The following ACACA variants were observed in gnomAD, a reference collection of about 807,000 sequenced individuals.
The protein encoded by ACACA is acetyl-CoA carboxylase 1.
ACACA carries 103 observed loss-of-function variants against 296.1 expected under a neutral mutation model. The observed-to-expected ratio is 0.35, with a 90% CI of 0.30 to 0.41. The LOEUF is 0.41. ACACA is among the 10% of genes least tolerant of loss of function. The probability of loss-of-function intolerance (pLI) is 1.00; values close to 1 mark genes in which losing one functional copy is unlikely to be tolerated. For missense variants in ACACA, 1,554 were observed against 2,989.7 expected (o/e 0.52, Z 11.20); for synonymous variants, 953 against 1,038.6 (o/e 0.92, Z 1.58).
chr17:37,406,808 G>C lies in ACACA; in HGVS notation c.-509C>G, dbSNP rs868208229. On this transcript the variant is annotated 5_prime_UTR_variant, in exon 1 of 56. Coordinates refer to ENST00000616317, the MANE Select transcript of ACACA (RefSeq NM_198834.3). Reference sequence around the variant, plus strand: ...TGGCGGGCGCTCAGCACCCGGCGGGGGCCTCCACGGCCGAGGGGCGGAGGC... The same window carrying C: ...TGGCGGGCGCTCAGCACCCGGCGGGCGCCTCCACGGCCGAGGGGCGGAGGC... 1 of 149,484 alleles carries C rather than the reference G, an allele frequency of 6.7e-6. No homozygotes were observed. The highest frequency in any genetic ancestry group is 6.7e-5 in the Admixed American group (1 of 15,000). 9.3% of individuals were successfully genotyped at this position (149,484 alleles called of 1,614,324 possible).
At chr17:37,359,151 G>GCCTGACCCGCCC in intron 1 of ACACA, 1 of 984,984 alleles carries the variant, frequency 1.0e-6, no homozygotes, top group Non-Finnish European at 1.2e-6. Flanking sequence ...GGCTTCAGGG[G>GCCTGACCCGCCC]CCTGACCCGC....
chr17:37,204,042 T>C (rs187227089), intron 33 of ACACA, among the ~76,000 whole-genome samples: 1 of 152,304 alleles, frequency 6.6e-6, no homozygotes, highest in African/African-American at 2.4e-5. Context: ...ATATCTACCA[T>C]TGGCATTACA....
rs995616215 is a variant in ACACA at position 37,094,577 on chromosome 17, C to A, written c.6891+2419G>T. 4.1e-5 allele frequency among the ~76,000 whole-genome samples: 6 copies of A among 146,592 alleles called. 1 individual carries two copies. Among genetic ancestry groups the A allele is most frequent in the Admixed American group, 6.8e-5 (1 of 14,762 alleles). On this transcript the variant is annotated intron_variant, in intron 54 of 55. Transcript: ENST00000616317. The stretch of plus-strand genomic sequence containing the variant: ...CTATCATTCTTTGAAGAACCACCCC[C>A]CCCCCCCCACACCAAACAGCAAGCA...
chr17:37,160,565 C>G (rs1456181240), intron 42 of ACACA, among the ~76,000 whole-genome samples: 1 of 152,162 alleles, frequency 6.6e-6, no homozygotes, highest in African/African-American at 2.4e-5. Flanking sequence ...AAAGTAAGAT[C>G]AGTCAACAGA....
intron 1 of ACACA, among the ~76,000 whole-genome samples, chr17:37,371,000 A>G (rs1185482219): frequency 6.6e-6 from 1 of 151,888 alleles, no homozygotes; most frequent in African/African-American, 2.4e-5. Flanking sequence ...AAAAAAATAC[A>G]TAGAGTTTGA....
intron 38 of ACACA, among the ~76,000 whole-genome samples, chr17:37,188,765 T>C (rs550843844): frequency 1.3e-5 from 2 of 152,300 alleles, no homozygotes; most frequent in South Asian, 4.1e-4. Context: ...TCATATTCTA[T>C]ATCAAAGATC....
intron 44 of ACACA, among the ~76,000 whole-genome samples, chr17:37,151,050 CAA>C (rs372728782): frequency 7.9e-6 from 1 of 125,850 alleles, no homozygotes. Context: ...GACTCCATCT[CAA>C]AAAAAAAAAA....
chr17:37,183,655 C>T (rs1384685211), intron 39 of ACACA, among the ~76,000 whole-genome samples: 2 of 151,630 alleles, frequency 1.3e-5, no homozygotes, highest in Non-Finnish European at 2.9e-5. Context: ...GGTGAAACCC[C>T]GTCTCTACTA....
At chr17:37,267,543 C>T (rs1017006116) in intron 10 of ACACA, among the ~76,000 whole-genome samples, 14 of 152,118 alleles carry the variant, frequency 9.2e-5, no homozygotes, top group Admixed American at 9.2e-4. Flanking sequence ...GAATTTCCTT[C>T]TGATCTACTC....
Position 37,284,990 on chromosome 17 carries a change from A to G in ACACA, c.339-20T>C, listed in dbSNP as rs1428349676. The G allele has an allele frequency of 6.2e-7, 1 of 1,614,134 alleles. No homozygotes were observed. Among genetic ancestry groups the G allele is most frequent in the East Asian group, 2.2e-5 (1 of 44,886 alleles). ...CTGGACCTATAAAAATACAGAAGCC[A>G]TAAAAACACCACCTATATTTTCTGG... On this transcript the variant is annotated intron_variant, in intron 3 of 55. Coordinates refer to ENST00000616317, the MANE Select transcript of ACACA (RefSeq NM_198834.3).
At chr17:37,226,170 T>C (rs994339765) in intron 26 of ACACA, among the ~76,000 whole-genome samples, 169 bp downstream of exon 26, 2 of 152,144 alleles carry the variant, frequency 1.3e-5, no homozygotes, top group African/African-American at 4.8e-5. Context: ...TTTTCCTTTC[T>C]CTTTAAAAAA....
intron 52 of ACACA, among the ~76,000 whole-genome samples, chr17:37,111,306 A>G (rs1298304338): frequency 1.3e-5 from 2 of 152,106 alleles, no homozygotes; most frequent in Non-Finnish European, 2.9e-5. Flanking sequence ...CTCTAAGGAA[A>G]TATCAGGAAA....
chr17:37,214,545 T>A (rs933613970), intron 29 of ACACA, among the ~76,000 whole-genome samples: 1 of 152,054 alleles, frequency 6.6e-6, no homozygotes, highest in Non-Finnish European at 1.5e-5. Context: ...TGCTTTTCCT[T>A]CCCCCAGGAC....
chr17:37,401,982 T>C (rs1405031677), intron 1 of ACACA, among the ~76,000 whole-genome samples: 6 of 152,166 alleles, frequency 3.9e-5, no homozygotes, highest in Admixed American at 2.0e-4. Flanking sequence ...GTTTTCTTCG[T>C]TGGGTTCCTG....
chr17:37,271,058 T>A (rs1366357653), intron 9 of ACACA, among the ~76,000 whole-genome samples, 197 bp from the exon 10 acceptor site: 1 of 152,188 alleles, frequency 6.6e-6, no homozygotes, highest in East Asian at 1.9e-4. Flanking sequence ...CAAAAGAAAT[T>A]GCCTTTTTCA....
chr17:37,394,321 G>A (rs964268410), intron 1 of ACACA, among the ~76,000 whole-genome samples: 7 of 150,534 alleles, frequency 4.7e-5, no homozygotes, highest in South Asian at 2.1e-4. Context: ...AACTATTCTC[G>A]TGCCTCAGCC....
intron 54 of ACACA, among the ~76,000 whole-genome samples, chr17:37,090,672 G>A (rs2072558691): frequency 6.6e-6 from 1 of 152,262 alleles, no homozygotes; most frequent in Middle Eastern, 3.4e-3. Flanking sequence ...GAGGGAGAAG[G>A]TAGCACTGCT....
intron 51 of ACACA, among the ~76,000 whole-genome samples, chr17:37,112,646 G>T (rs2074039926): frequency 6.6e-6 from 1 of 152,172 alleles, no homozygotes; most frequent in South Asian, 2.1e-4. Flanking sequence ...GAAACTACTG[G>T]ACTCTCCTAA....
rs1233975437 is a variant in ACACA at position 37,168,347 on chromosome 17, T to C, written c.5080-6297A>G. Among the ~76,000 whole-genome samples, 3 of 152,178 alleles carry C rather than the reference T, an allele frequency of 2.0e-5. No homozygotes were observed. The East Asian group carries it at 5.8e-4, about 29-fold the overall frequency. ...ATTGGGATGATGAAATTGTATTTTT[T>C]TTCCATTCTCCAAATTTTCTTTTTT... On this transcript the variant is annotated intron_variant, in intron 41 of 55. Coordinates refer to ENST00000616317, the MANE Select transcript of ACACA (RefSeq NM_198834.3).
Sources: allele counts gnomAD v4.1 joint callset (sites outside exome capture counted in the v4.1 genomes callset), GRCh38; gene constraint gnomAD v4.1.1; transcripts MANE v1.5; gene names NCBI Gene and HGNC (gene_info 2026-07-23, HGNC 2026-07-21).